STON1: variants seen among roughly 807,000 people sequenced by gnomAD.
STON1 encodes the protein stonin 1, also known as stonin-1.
Under a neutral mutation model 60.9 loss-of-function variants are expected in STON1, and 79 were observed. The ratio of observed to expected loss-of-function variants is 1.30; its 90% CI spans 1.08 to 1.56. The LOEUF (loss-of-function observed/expected upper bound fraction) is 1.56. Among genes scored for constraint, STON1 ranks in the 40% most tolerant of loss-of-function variants. STON1 has a pLI of 0.00. For missense variants in STON1, 1,166 were observed against 858.9 expected (o/e 1.36, Z -4.47); for synonymous variants, 363 against 306.9 (o/e 1.18, Z -1.91).
chr2:48,564,494 TC>T (rs1672801996), intron 1 of STON1, among the ~76,000 whole-genome samples: 3 of 22,994 alleles, frequency 1.3e-4, no homozygotes, highest in Non-Finnish European at 8.1e-5. Flanking sequence ...TTCTTCTTCT[TC>T]TTCTTCTTCT....
rs1385064488 is a variant in STON1 at position 48,555,407 on chromosome 2, C to T, written c.-47-25180C>T. On this transcript the variant is annotated intron_variant, in intron 1 of 3. Coordinates refer to ENST00000404752, the MANE Select transcript of STON1 (RefSeq NM_006873.4). ...CCCAGTAGGGGCGGCCGGGCAGAGG[C>T]GCCCCTCACCTACCGGACGGGGCCA... Among the ~76,000 whole-genome samples the T allele has an allele frequency of 1.4e-4, 9 of 65,282 alleles. 1 individual carries two copies. Among genetic ancestry groups the T allele is most frequent in the Non-Finnish European group, 3.2e-5 (1 of 30,838 alleles). 42.8% of individuals were successfully genotyped at this position (65,282 alleles called of 152,430 possible).
At chr2:48,575,378 G>T (rs896221493) in intron 1 of STON1, among the ~76,000 whole-genome samples, 1 of 152,148 alleles carries the variant, frequency 6.6e-6, no homozygotes, top group Non-Finnish European at 1.5e-5. Context: ...GATAGGCTGG[G>T]TTCTGTGGCT....
intron 2 of STON1, among the ~76,000 whole-genome samples, chr2:48,587,676 T>C (rs1010252651): frequency 6.6e-6 from 1 of 152,214 alleles, no homozygotes; most frequent in Non-Finnish European, 1.5e-5. Flanking sequence ...GACCTGATCT[T>C]GGCCTTCAGG....
chr2:48,569,836 T>G (rs1270742632), intron 1 of STON1, among the ~76,000 whole-genome samples: 2 of 152,216 alleles, frequency 1.3e-5, no homozygotes, highest in Non-Finnish European at 2.9e-5. Context: ...AGTATTTGCA[T>G]CCCCAAATCT....
At chr2:48,572,290 T>C (rs1673251528) in intron 1 of STON1, among the ~76,000 whole-genome samples, 1 of 152,170 alleles carries the variant, frequency 6.6e-6, no homozygotes, top group Non-Finnish European at 1.5e-5. Flanking sequence ...CAGAACAGTA[T>C]TAAACTTCCA....
At chr2:48,576,297 C>CCAGGTGGGT (rs1345389545) in intron 1 of STON1, among the ~76,000 whole-genome samples, 3 of 131,634 alleles carry the variant, frequency 2.3e-5, no homozygotes, top group Non-Finnish European at 4.6e-5. Flanking sequence ...TCAAGTGATT[C>CCAGGTGGGT]TCATGCCTCA....
rs577830915 is a variant in STON1, at chr2:48,564,395, C to T, written c.-47-16192C>T. On this transcript the variant is annotated intron_variant, in intron 1 of 3. Coordinates refer to ENST00000404752, the MANE Select transcript of STON1 (RefSeq NM_006873.4). Reference sequence around the variant, plus strand: ...GAGAGTGAGCTAGGTCCTCCAGTGGCAGTGGCGGTGTCTTCTTCTTCTTCT... The same window carrying T: ...GAGAGTGAGCTAGGTCCTCCAGTGGTAGTGGCGGTGTCTTCTTCTTCTTCT... 8.0e-5 allele frequency among the ~76,000 whole-genome samples: 12 copies of T among 149,898 alleles called. 1 individual carries two copies. The highest frequency in any genetic ancestry group is 2.9e-4 in the African/African-American group (12 of 40,756).
rs1674794892 is a variant in STON1, at chr2:48,596,689, ATAT to A, written c.*1391_*1393del. 1 of 151,988 alleles carries A rather than the reference ATAT, an allele frequency of 6.6e-6. No individual in the cohort carries two copies. Among genetic ancestry groups the A allele is most frequent in the Non-Finnish European group, 1.5e-5 (1 of 67,992 alleles). 9.4% of individuals were successfully genotyped at this position (151,988 alleles called of 1,614,324 possible). On this transcript the variant is annotated 3_prime_UTR_variant, in exon 4 of 4. Coordinates refer to ENST00000404752, the MANE Select transcript of STON1 (RefSeq NM_006873.4). ...TTTCATGTGTTTTTTTTAATATTTA[ATAT>A]TATATTACATTCATTGAAATCTGTT...
intron 1 of STON1, among the ~76,000 whole-genome samples, chr2:48,546,500 A>T (rs1671872171): frequency 6.6e-6 from 1 of 152,212 alleles, no homozygotes; most frequent in Non-Finnish European, 1.5e-5. Context: ...CCCCCATCAC[A>T]GTTATGGACA....
At chr2:48,541,348 A>G (rs1246965676) in intron 1 of STON1, among the ~76,000 whole-genome samples, 2 of 150,828 alleles carry the variant, frequency 1.3e-5, no homozygotes, top group Non-Finnish European at 2.9e-5. Flanking sequence ...GTGAGACTCC[A>G]TCTCAAAAAA....
At chr2:48,563,437 T>G (rs1186570081) in intron 1 of STON1, among the ~76,000 whole-genome samples, 1 of 152,196 alleles carries the variant, frequency 6.6e-6, no homozygotes, top group Non-Finnish European at 1.5e-5. Flanking sequence ...ACTGCTGGTC[T>G]CCCAGGAAAA....
At position 48,595,725 on chromosome 2, in the gene STON1, A is replaced by G. The variant is rs1354289687; in HGVS notation, c.*423A>G. 1.8e-5 allele frequency: 3 copies of G among 164,270 alleles called. No homozygotes were observed. The highest frequency in any genetic ancestry group is 3.9e-5 in the Non-Finnish European group (3 of 76,842). The allele number at this position is 164,270 out of a possible 1,614,324, so 10.2% of individuals were successfully genotyped here. ...GGTAAGGGAATCAAAGGAGACATAA[A>G]CCAAAATAGTTAATTTTCCCTCTTT... On this transcript the variant is annotated 3_prime_UTR_variant, in exon 4 of 4. Transcript: ENST00000404752.
At chr2:48,562,977 C>G (rs1357393475) in intron 1 of STON1, among the ~76,000 whole-genome samples, 1 of 152,204 alleles carries the variant, frequency 6.6e-6, no homozygotes, top group Admixed American at 6.5e-5. Context: ...GATACTTACT[C>G]AAATTGTAGA....
At chr2:48,572,535 T>C (rs1379179209) in intron 1 of STON1, among the ~76,000 whole-genome samples, 1 of 152,204 alleles carries the variant, frequency 6.6e-6, no homozygotes, top group Non-Finnish European at 1.5e-5. Context: ...GCTTGATTTC[T>C]TTTCTCCTGC....
At position 48,581,311 on chromosome 2, in the gene STON1, C is replaced by T. The variant is rs770150678; in HGVS notation, c.678C>T (p.Leu226=). 1 of 1,527,946 alleles carries T rather than the reference C, an allele frequency of 6.5e-7. No homozygotes were observed. Among genetic ancestry groups the T allele is most frequent in the South Asian group, 1.3e-5 (1 of 75,392 alleles). The allele number at this position is 1,527,946 out of a possible 1,614,324, so 94.6% of individuals were successfully genotyped here. The stretch of plus-strand genomic sequence containing the variant: ...AAAAAAGCCTAAATAAGTGTTCACT[C>T]AACTATATCTGTGAGAAGCTTGAAC... ...IDQKSLNKCS[L]NYICEKLEHL... is the part of the protein sequence containing the mutation. The change falls in exon 2 of 4, where the codon CTC becomes CTT. Residue 226 remains leucine, a synonymous_variant. Coordinates refer to ENST00000404752, the MANE Select transcript of STON1 (RefSeq NM_006873.4).
chr2:48,549,903 G>T (rs1672027261), intron 1 of STON1, among the ~76,000 whole-genome samples: 1 of 152,010 alleles, frequency 6.6e-6, no homozygotes, highest in South Asian at 2.1e-4. Context: ...TGGGGTGGTG[G>T]GACCGACTCT....
intron 1 of STON1, among the ~76,000 whole-genome samples, chr2:48,533,762 C>G (rs905109971): frequency 3.3e-5 from 4 of 120,772 alleles, no homozygotes; most frequent in Non-Finnish European, 3.2e-5. Context: ...TTGAATTACA[C>G]AGGACTTTTT....
chr2:48,562,416 G>T (rs1235078291), intron 1 of STON1, among the ~76,000 whole-genome samples: 1 of 152,158 alleles, frequency 6.6e-6, no homozygotes, highest in African/African-American at 2.4e-5. Flanking sequence ...TTGTAGCAAT[G>T]GCGAATGCTG....
chr2:48,541,704 A>AC lies in STON1; in HGVS notation c.-48+11488_-48+11489insC, dbSNP rs1305400885. Among the ~76,000 whole-genome samples, 15 of 147,042 alleles carry AC rather than the reference A, an allele frequency of 1.0e-4. No individual in the cohort carries two copies. The East Asian group carries it at 1.4e-3, about 13-fold the overall frequency. On this transcript the variant is annotated intron_variant, in intron 1 of 3. Coordinates refer to ENST00000404752, the MANE Select transcript of STON1 (RefSeq NM_006873.4). Reference sequence around the variant, plus strand: ...ACAAGAGTGAAACTTCGTCTCAAAAAAAAAAAAAAAAAAAAAAAACCACAC... The same window carrying AC: ...ACAAGAGTGAAACTTCGTCTCAAAAACAAAAAAAAAAAAAAAAAAACCACAC...
Sources: allele counts gnomAD v4.1 joint callset (sites outside exome capture counted in the v4.1 genomes callset), GRCh38; gene constraint gnomAD v4.1.1; transcripts MANE v1.5; gene names NCBI Gene and HGNC (gene_info 2026-07-23, HGNC 2026-07-21).